Variants in CLVS1 observed in about 807,000 individuals in gnomAD.
The protein encoded by CLVS1 is clavesin 1.
Under a neutral mutation model 33.1 loss-of-function variants are expected in CLVS1, and 10 were observed. That is an observed-to-expected ratio of 0.30 (90% CI 0.19 to 0.51). The LOEUF (loss-of-function observed/expected upper bound fraction) is 0.51, where lower values mean the gene tolerates loss of function less well. Ranked by LOEUF, CLVS1 falls within the 20% of genes least tolerant of loss-of-function variation. The pLI, the probability that CLVS1 is intolerant of heterozygous loss-of-function variation, is 0.97. For synonymous variants in CLVS1, 163 were observed against 166.1 expected, an observed-to-expected ratio of 0.98 and a Z score of 0.14; for missense variants, 343 against 433.4, an observed-to-expected ratio of 0.79 and a Z score of 1.85.
intron 2 of CLVS1, among the ~76,000 whole-genome samples, chr8:61,170,546 C>T (rs562225612): frequency 4.1e-4 from 63 of 152,244 alleles, no homozygotes; most frequent in African/African-American, 1.4e-3. Context: ...TTTGAGGCAA[C>T]GTGGCCCTTA....
chr8:61,247,670 G>A (rs777749151), intron 2 of CLVS1, among the ~76,000 whole-genome samples: 2 of 152,130 alleles, frequency 1.3e-5, no homozygotes, highest in Non-Finnish European at 2.9e-5. Context: ...ATTTGTTTAA[G>A]TTCCTTATAG....
At chr8:61,275,276 C>T (rs1203186235) in intron 2 of CLVS1, among the ~76,000 whole-genome samples, 2 of 152,030 alleles carry the variant, frequency 1.3e-5, no homozygotes, top group East Asian at 1.9e-4. Flanking sequence ...TTATTCCTGA[C>T]CCCATTTATG....
chr8:61,050,116 A>C, the CLVS1 span, among the ~76,000 whole-genome samples: 2 of 152,262 alleles, frequency 1.3e-5, 1 homozygote, highest in South Asian at 4.1e-4. Context: ...GCACCCTTTT[A>C]CAGCCTCATC....
chr8:61,301,859 T>G (rs1464529396), intron 2 of CLVS1, among the ~76,000 whole-genome samples: 1 of 152,224 alleles, frequency 6.6e-6, no homozygotes, highest in Non-Finnish European at 1.5e-5. Context: ...TTTTTCATGT[T>G]TATGTCTTTG....
intron 2 of CLVS1, among the ~76,000 whole-genome samples, chr8:61,334,013 C>A (rs1412845406): frequency 1.3e-5 from 2 of 152,166 alleles, no homozygotes; most frequent in Non-Finnish European, 2.9e-5. Context: ...CCATCCATGT[C>A]CCTGCAAAAG....
At chr8:61,184,661 C>G (rs1401328126) in intron 2 of CLVS1, among the ~76,000 whole-genome samples, 1 of 152,138 alleles carries the variant, frequency 6.6e-6, no homozygotes, top group Non-Finnish European at 1.5e-5. Flanking sequence ...TCCTCATTAT[C>G]TTTCCCTGCA....
intron 3 of CLVS1, among the ~76,000 whole-genome samples, chr8:61,449,453 A>G (rs952039371): frequency 6.6e-6 from 1 of 152,030 alleles, no homozygotes; most frequent in African/African-American, 2.4e-5. Context: ...CTATAACATT[A>G]CTCTGGCAGG....
intron 1 of CLVS1, among the ~76,000 whole-genome samples, chr8:61,101,569 G>T (rs1805450768): frequency 6.6e-6 from 1 of 152,066 alleles, no homozygotes; most frequent in Admixed American, 6.5e-5. Context: ...TCTGTGGGTT[G>T]TCTTTTCACT....
chr8:61,480,442 T>A (rs1283908931), intron 5 of CLVS1, among the ~76,000 whole-genome samples: 1 of 152,156 alleles, frequency 6.6e-6, no homozygotes, highest in Non-Finnish European at 1.5e-5. Context: ...AAGCGCAGTA[T>A]TAGGGTGGGA....
intron 2 of CLVS1, among the ~76,000 whole-genome samples, chr8:61,270,379 G>C (rs1020657588): frequency 6.6e-5 from 10 of 152,150 alleles, no homozygotes; most frequent in Non-Finnish European, 1.3e-4. Context: ...GGATTATTGT[G>C]GATAAGCTTT....
chr8:61,485,428 T>C (rs908449481), intron 5 of CLVS1, among the ~76,000 whole-genome samples: 6 of 152,138 alleles, frequency 3.9e-5, no homozygotes, highest in African/African-American at 1.4e-4. Flanking sequence ...TGGCGATCAT[T>C]AAAAAGTCAG....
chr8:61,041,491 A>G, the CLVS1 span, among the ~76,000 whole-genome samples: 56 of 152,094 alleles, frequency 3.7e-4, no homozygotes, highest in Admixed American at 2.6e-3. Flanking sequence ...TGTTTATGTC[A>G]TCGCTGATTT....
intron 5 of CLVS1, among the ~76,000 whole-genome samples, chr8:61,483,741 T>A (rs1010600070): frequency 6.6e-6 from 1 of 152,208 alleles, no homozygotes; most frequent in Non-Finnish European, 1.5e-5. Context: ...ATCAAAGAGC[T>A]TATCCACCAT....
chr8:61,024,623 C>G, the CLVS1 span, among the ~76,000 whole-genome samples: 1 of 152,104 alleles, frequency 6.6e-6, no homozygotes, highest in East Asian at 1.9e-4. Flanking sequence ...CTCTCTCCCC[C>G]CAGTCAAGTG....
At chr8:61,135,938 T>C (rs377765358) in intron 2 of CLVS1, among the ~76,000 whole-genome samples, 3 of 152,364 alleles carry the variant, frequency 2.0e-5, no homozygotes, top group South Asian at 2.1e-4. Context: ...GCTCTCCGGC[T>C]GACTCTCTGT....
At chr8:61,133,155 C>A (rs949599470) in intron 2 of CLVS1, among the ~76,000 whole-genome samples, 5 of 152,138 alleles carry the variant, frequency 3.3e-5, no homozygotes, top group Non-Finnish European at 5.9e-5. Flanking sequence ...GGGGACATTA[C>A]CCTCAAGGAG....
chr8:61,423,228 C>T (rs1428264174), intron 3 of CLVS1, among the ~76,000 whole-genome samples: 2 of 152,146 alleles, frequency 1.3e-5, no homozygotes, highest in Admixed American at 6.5e-5. Context: ...GAACTAGGTA[C>T]TTATTTCTTT....
the CLVS1 span, among the ~76,000 whole-genome samples, chr8:61,009,080 T>G: frequency 6.6e-6 from 1 of 152,232 alleles, no homozygotes; most frequent in African/African-American, 2.4e-5. Context: ...CTAATTTATA[T>G]GCATATTAGG....
intron 2 of CLVS1, among the ~76,000 whole-genome samples, chr8:61,252,324 G>A (rs1270642473): frequency 6.6e-6 from 1 of 152,130 alleles, no homozygotes; most frequent in Non-Finnish European, 1.5e-5. Context: ...GCTGAGGAGT[G>A]TTTTACTTCC....
Sources: gnomAD v4.1 joint callset for allele counts (sites outside exome capture counted in the v4.1 genomes callset) on GRCh38, gnomAD v4.1.1 for gene constraint, MANE v1.5 for transcripts, NCBI Gene and HGNC (gene_info 2026-07-23, HGNC 2026-07-21) for gene names.